Variants in METTL14 observed in about 807,000 individuals in gnomAD.
METTL14 encodes the protein N(6)-adenosine-methyltransferase non-catalytic subunit METTL14.
In METTL14, 32 loss-of-function variants were observed where a neutral mutation model predicts 62.4. The ratio of observed to expected loss-of-function variants is 0.51; its 90% confidence interval spans 0.39 to 0.69. The LOEUF (loss-of-function observed/expected upper bound fraction) is 0.69, where lower values mean the gene tolerates loss of function less well. METTL14 is among the 30% of genes least tolerant of loss of function. The pLI is 0.00. For synonymous variants in METTL14, 150 were observed against 180.0 expected (o/e 0.83, Z 1.34); for missense variants, 340 against 551.9 (o/e 0.62, Z 3.85).
At chr4:118,703,885 GTTTA>G (rs1181923653) in intron 8 of METTL14, 46 bp from the exon 9 acceptor site, 2 of 1,085,412 alleles carry the variant, frequency 1.8e-6, no homozygotes, top group East Asian at 5.1e-5. Flanking sequence ...GTTAAGTATT[GTTTA>G]TTTCTTTAAG....
At chr4:118,705,976 A>G (rs1724744181) in intron 10 of METTL14, among the ~76,000 whole-genome samples, 155 bp downstream of exon 10, 1 of 152,216 alleles carries the variant, frequency 6.6e-6, no homozygotes, top group Non-Finnish European at 1.5e-5. Context: ...AGCAAAATTG[A>G]GAGGAAGGCA....
intron 5 of METTL14, 109 bp from the exon 6 acceptor site, chr4:118,694,327 C>A: frequency 1.5e-6 from 1 of 668,776 alleles, no homozygotes; most frequent in Non-Finnish European, 2.5e-6. Flanking sequence ...AGATATGAGT[C>A]AAGTGGCATG....
chr4:118,695,087 C>T (rs1281348498), intron 6 of METTL14, among the ~76,000 whole-genome samples: 1 of 152,072 alleles, frequency 6.6e-6, no homozygotes, highest in Non-Finnish European at 1.5e-5. Context: ...CCCCCTCAAC[C>T]TCAAAATGCT....
At chr4:118,692,816 C>G (rs1044375082) in intron 5 of METTL14, among the ~76,000 whole-genome samples, 1 of 152,018 alleles carries the variant, frequency 6.6e-6, no homozygotes, top group Non-Finnish European at 1.5e-5. Context: ...CAGTCAGTCC[C>G]CATTTCCTCT....
intron 7 of METTL14, among the ~76,000 whole-genome samples, chr4:118,699,411 G>A (rs182664288): frequency 3.3e-5 from 5 of 152,246 alleles, no homozygotes; most frequent in Admixed American, 2.6e-4. Flanking sequence ...GTATTTCTAA[G>A]ACTTAAGATT....
chr4:118,696,982 T>G (rs1291905416), intron 6 of METTL14, among the ~76,000 whole-genome samples, 200 bp from the exon 7 acceptor site: 1 of 152,166 alleles, frequency 6.6e-6, no homozygotes, highest in Non-Finnish European at 1.5e-5. Context: ...GTAGATCGTT[T>G]AAGTCTATAC....
At chr4:118,704,605 G>C (rs1724701521) in intron 9 of METTL14, among the ~76,000 whole-genome samples, 1 of 152,132 alleles carries the variant, frequency 6.6e-6, no homozygotes, top group Non-Finnish European at 1.5e-5. Flanking sequence ...ATCCCAAGAT[G>C]GGTTGGAGAG....
intron 4 of METTL14, 38 bp from the exon 5 acceptor site, chr4:118,691,943 A>C: frequency 2.3e-6 from 3 of 1,295,356 alleles, no homozygotes; most frequent in African/African-American, 1.5e-5. Context: ...CTGCCATTAC[A>C]ATGCATGTTA....
At position 118,700,556 on chromosome 4, in the gene METTL14, A is replaced by C. The variant is rs1250599578; in HGVS notation, c.652A>C (p.Lys218Gln). 1 of 1,611,224 alleles carries C rather than the reference A, an allele frequency of 6.2e-7. No individual in the cohort carries two copies. Residue 218 changes from lysine to glutamine, a missense_variant, in exon 8 of 11, where the codon AAG becomes CAG. Lys to Gln is a moderately conservative substitution (Grantham distance 53). Around this residue, in one of 7 missense-constraint regions of METTL14, gnomAD observed 58 missense variants for 147.5 expected, o/e 0.39. Transcript: ENST00000388822. The part of the protein sequence containing the change: ...EKCWTWDDIM[K>Q]LEIDEIAAPR... ...TCGTTTTGATTTCTTACAGATTATG[A>C]AGTTAGAAATTGATGAGATTGCAGC...
chr4:118,704,707 C>G (rs1165802873), intron 9 of METTL14, among the ~76,000 whole-genome samples: 1 of 152,096 alleles, frequency 6.6e-6, no homozygotes, highest in East Asian at 1.9e-4. Context: ...ATGCCGCATA[C>G]TTTTCATTAT....
chr4:118,687,861 C>T (rs940589164), intron 1 of METTL14, 62 bp from the exon 2 acceptor site: 4 of 1,364,572 alleles, frequency 2.9e-6, no homozygotes, highest in Admixed American at 3.7e-5. Flanking sequence ...AATGCTGCTA[C>T]AAATGCCCAG....
chr4:118,686,251 G>A (rs920366948), intron 1 of METTL14, among the ~76,000 whole-genome samples: 12 of 152,214 alleles, frequency 7.9e-5, no homozygotes, highest in African/African-American at 2.4e-4. Flanking sequence ...CTGGGAAATA[G>A]AACCTAGGTT....
chr4:118,690,562 C>G (rs1724215336), intron 3 of METTL14, among the ~76,000 whole-genome samples: 1 of 151,904 alleles, frequency 6.6e-6, no homozygotes, highest in African/African-American at 2.4e-5. Context: ...CGCCTGTAAT[C>G]CCAGCTACTT....
rs983552401 is a variant in METTL14 at position 118,700,522 on chromosome 4, T to C, written c.646-28T>C. On this transcript the variant is annotated intron_variant, in intron 7 of 10. Coordinates refer to ENST00000388822, the MANE Select transcript of METTL14 (RefSeq NM_020961.4). ...GGATGAATGGGAAACAAAATACTTT[T>C]ATGCAATATCGTTTTGATTTCTTAC... 3 of 1,548,700 alleles carry C rather than the reference T, an allele frequency of 1.9e-6. No homozygotes were observed. In the African/African-American group the frequency reaches 4.1e-5, roughly 21 times the overall value.
Position 118,697,296 on chromosome 4 carries a change from T to C in METTL14, c.618T>C (p.Ala206=). Residue 206 remains alanine (A), a synonymous_variant, in exon 7 of 11, where the codon GCT becomes GCC. Coordinates refer to ENST00000388822, the MANE Select transcript of METTL14 (RefSeq NM_020961.4). ...EEYYRETGIT[A]NEKCWTWDDI... Reference sequence around the variant, plus strand: ...ATTACAGAGAAACTGGCATCACTGCTAATGAAAAATGCTGGACTTGGGATG... The same window carrying C: ...ATTACAGAGAAACTGGCATCACTGCCAATGAAAAATGCTGGACTTGGGATG... 6.2e-7 allele frequency: 1 copy of C among 1,607,328 alleles called. No homozygotes were observed. The highest frequency in any genetic ancestry group is 8.5e-7 in the Non-Finnish European group (1 of 1,178,136).
intron 4 of METTL14, 64 bp from the exon 5 acceptor site, chr4:118,691,910 AAAACAGT>A: frequency 1.0e-6 from 1 of 970,638 alleles, no homozygotes. Context: ...CTTGTAATAG[AAAACAGT>A]ACAGAGATAA....
intron 1 of METTL14, chr4:118,686,763 C>A (rs1724076751): frequency 2.5e-6 from 1 of 405,662 alleles, no homozygotes; most frequent in Admixed American, 2.9e-5. Context: ...ATTCAAACTT[C>A]TATTTGACTC....
chr4:118,701,183 G>GTTTTTTTTTTTTTT (rs373953605), intron 8 of METTL14, among the ~76,000 whole-genome samples: 8 of 132,312 alleles, frequency 6.0e-5, no homozygotes, highest in East Asian at 2.0e-4. Flanking sequence ...GTTTTTTTTT[G>GTTTTTTTTTTTTTT]TTTTTTTTTG....
intron 7 of METTL14, among the ~76,000 whole-genome samples, chr4:118,698,870 CAT>C (rs1724506348): frequency 6.6e-6 from 1 of 152,138 alleles, no homozygotes; most frequent in South Asian, 2.1e-4. Flanking sequence ...AGGATTATCA[CAT>C]AAAATCCATG....
Sources: gnomAD v4.1 joint callset for allele counts (sites outside exome capture counted in the v4.1 genomes callset) on GRCh38, gnomAD v4.1.1 for gene constraint, gnomAD v4.1.1 regional missense constraint, MANE v1.5 for transcripts, NCBI Gene and HGNC (gene_info 2026-07-23, HGNC 2026-07-21) for gene names.